The following MAML2 variants were observed in gnomAD, a reference collection of about 807,000 sequenced individuals.
MAML2 encodes the protein mastermind like transcriptional coactivator 2.
MAML2 carries 22 observed loss-of-function variants against 96.1 expected under a neutral mutation model. The ratio of observed to expected loss-of-function variants is 0.23; its 90% CI spans 0.16 to 0.33. The LOEUF (loss-of-function observed/expected upper bound fraction) is 0.33, where lower values mean the gene tolerates loss of function less well. Among genes scored for constraint, MAML2 ranks in the 10% least tolerant of loss-of-function variants. The pLI is 1.00. For synonymous variants in MAML2, 561 were observed against 521.3 expected (o/e 1.08, Z -1.04); for missense variants, 1,367 against 1,392.4 (o/e 0.98, Z 0.29).
At chr11:96,158,259 T>C (rs1391010037) in intron 1 of MAML2, among the ~76,000 whole-genome samples, 1 of 152,244 alleles carries the variant, frequency 6.6e-6, no homozygotes, top group Non-Finnish European at 1.5e-5. Flanking sequence ...CATAGTCTGT[T>C]GACACGTGTT....
At chr11:96,309,581 T>C (rs1863509653) in intron 1 of MAML2, among the ~76,000 whole-genome samples, 2 of 152,198 alleles carry the variant, frequency 1.3e-5, no homozygotes, top group African/African-American at 2.4e-5. Flanking sequence ...GATGGTGGAA[T>C]TAAAGCCTTA....
At chr11:96,151,640 TA>T (rs1417397528) in intron 1 of MAML2, among the ~76,000 whole-genome samples, 1 of 152,164 alleles carries the variant, frequency 6.6e-6, no homozygotes, top group Non-Finnish European at 1.5e-5. Flanking sequence ...TCTGGTTGTC[TA>T]AAAGTATGTA....
chr11:96,240,557 CAAAAAAAA>C lies in MAML2; in HGVS notation c.513+100818_513+100825del, dbSNP rs55659413. Among the ~76,000 whole-genome samples, 16 of 51,098 alleles carry C rather than the reference CAAAAAAAA, an allele frequency of 3.1e-4. 1 individual carries two copies. Among genetic ancestry groups the C allele is most frequent in the African/African-American group, 4.9e-4 (8 of 16,402 alleles). 33.5% of individuals were successfully genotyped at this position (51,098 alleles called of 152,430 possible). A position where few individuals can be genotyped will look rare whatever the true frequency, so the allele number is the denominator to read the frequency against. On this transcript the variant is annotated intron_variant, in intron 1 of 4. Transcript: ENST00000524717. ...TGGGCGACAGAGCGAGACTCCGTCT[CAAAAAAAA>C]AAAAAAAAAAAAAAAAAAGAAAGCT...
At chr11:96,138,629 G>T (rs1204288869) in intron 1 of MAML2, among the ~76,000 whole-genome samples, 2 of 152,064 alleles carry the variant, frequency 1.3e-5, no homozygotes, top group Non-Finnish European at 2.9e-5. Flanking sequence ...AGATGGGGGG[G>T]TTGGTGAATA....
At chr11:96,173,830 A>G (rs1458944500) in intron 1 of MAML2, among the ~76,000 whole-genome samples, 4 of 152,164 alleles carry the variant, frequency 2.6e-5, no homozygotes, top group African/African-American at 7.2e-5. Flanking sequence ...TAACATTCTG[A>G]TTAGAACTGC....
intron 1 of MAML2, among the ~76,000 whole-genome samples, chr11:96,231,123 T>A (rs1393208499): frequency 1.3e-5 from 2 of 152,110 alleles, no homozygotes; most frequent in African/African-American, 2.4e-5. Flanking sequence ...TAAGAAAAAA[T>A]CATATATAGG....
chr11:96,125,429 C>T (rs1464550139), intron 1 of MAML2, among the ~76,000 whole-genome samples: 2 of 152,098 alleles, frequency 1.3e-5, no homozygotes, highest in Non-Finnish European at 1.5e-5. Context: ...AAGTGGGTGG[C>T]TACCGCTGGA....
chr11:95,998,680 T>A (rs1257283099), intron 2 of MAML2, among the ~76,000 whole-genome samples: 1 of 152,172 alleles, frequency 6.6e-6, no homozygotes, highest in Non-Finnish European at 1.5e-5. Context: ...GATGGATCAT[T>A]TATTTCCTAG....
At chr11:96,223,688 G>A (rs1188602613) in intron 1 of MAML2, among the ~76,000 whole-genome samples, 1 of 151,980 alleles carries the variant, frequency 6.6e-6, no homozygotes, top group South Asian at 2.1e-4. Flanking sequence ...CATAGAACTC[G>A]ATAGGTATTT....
chr11:96,030,183 C>A (rs937020876), intron 2 of MAML2, among the ~76,000 whole-genome samples: 2 of 151,832 alleles, frequency 1.3e-5, no homozygotes, highest in Non-Finnish European at 2.9e-5. Context: ...TTGCAGTGAG[C>A]CGAGATTGCG....
chr11:96,026,945 C>G (rs552715099), intron 2 of MAML2, among the ~76,000 whole-genome samples: 1 of 152,054 alleles, frequency 6.6e-6, no homozygotes, highest in South Asian at 2.1e-4. Flanking sequence ...ACACCTATAA[C>G]AGTCCCTGGC....
intron 1 of MAML2, among the ~76,000 whole-genome samples, chr11:96,183,565 ATT>A (rs34011797): frequency 6.9e-5 from 10 of 144,388 alleles, no homozygotes; most frequent in African/African-American, 2.0e-4. Context: ...ACCCAGCTAG[ATT>A]TTTTTTTTTT....
chr11:96,208,203 C>T (rs948902398), intron 1 of MAML2, among the ~76,000 whole-genome samples: 1 of 152,172 alleles, frequency 6.6e-6, no homozygotes, highest in African/African-American at 2.4e-5. Context: ...ATAATAAGGG[C>T]ATTAGACTCC....
At chr11:96,154,074 ACT>A (rs1461245269) in intron 1 of MAML2, among the ~76,000 whole-genome samples, 1 of 152,204 alleles carries the variant, frequency 6.6e-6, no homozygotes, top group Non-Finnish European at 1.5e-5. Flanking sequence ...ATTTTCTTTG[ACT>A]CTGCAAATCT....
rs765549492 is a variant in MAML2 at position 96,189,069 on chromosome 11, GT to G, written c.514-95553del. ...CTAGCTCAATGCTAGAAACTGTTTTGTTTTTTTTTTTCTATATCTGGTTCCA... is the reference window on the plus strand; with the variant it reads ...CTAGCTCAATGCTAGAAACTGTTTTGTTTTTTTTTTCTATATCTGGTTCCA... On this transcript the variant is annotated intron_variant, in intron 1 of 4. Coordinates refer to ENST00000524717, the MANE Select transcript of MAML2 (RefSeq NM_032427.4). Among the ~76,000 whole-genome samples, 201 of 100,186 alleles carry G rather than the reference GT, an allele frequency of 2.0e-3. 2 individuals are homozygous for G. Among genetic ancestry groups the G allele is most frequent in the African/African-American group, 6.8e-3 (195 of 28,640 alleles). The allele number at this position is 100,186 out of a possible 152,430, so 65.7% of individuals were successfully genotyped here. A position where few individuals can be genotyped will look rare whatever the true frequency, so the allele number is the denominator to read the frequency against.
intron 1 of MAML2, among the ~76,000 whole-genome samples, chr11:96,199,302 G>A (rs1006363304): frequency 7.3e-5 from 11 of 151,492 alleles, no homozygotes; most frequent in African/African-American, 2.7e-4. Flanking sequence ...CATCTTGTCC[G>A]TGACAGGGAA....
At chr11:96,138,325 C>T (rs550441500) in intron 1 of MAML2, among the ~76,000 whole-genome samples, 36 of 152,122 alleles carry the variant, frequency 2.4e-4, no homozygotes, top group Admixed American at 1.4e-3. Flanking sequence ...GCCACCTGAC[C>T]GCCACCTGAG....
At chr11:96,278,889 A>G (rs1048452578) in intron 1 of MAML2, among the ~76,000 whole-genome samples, 2 of 152,214 alleles carry the variant, frequency 1.3e-5, no homozygotes, top group African/African-American at 4.8e-5. Flanking sequence ...GGGTATGTCT[A>G]TAGCAATAAA....
chr11:96,278,255 A>G (rs938379155), intron 1 of MAML2, among the ~76,000 whole-genome samples: 1 of 152,216 alleles, frequency 6.6e-6, no homozygotes, highest in Non-Finnish European at 1.5e-5. Flanking sequence ...GCCACTTTAT[A>G]TAAACCTGAC....
Sources: gnomAD v4.1 joint callset for allele counts (sites outside exome capture counted in the v4.1 genomes callset) on GRCh38, gnomAD v4.1.1 for gene constraint, MANE v1.5 for transcripts, NCBI Gene and HGNC (gene_info 2026-07-23, HGNC 2026-07-21) for gene names.